SCAF8: variants seen among roughly 807,000 people sequenced by gnomAD.
SCAF8 encodes the protein SR-related CTD associated factor 8.
SCAF8 carries 23 observed loss-of-function variants against 140.5 expected under a neutral mutation model. That is an observed-to-expected ratio of 0.16 (90% CI 0.12 to 0.23). The LOEUF (loss-of-function observed/expected upper bound fraction) is 0.23, where lower values mean the gene tolerates loss of function less well. SCAF8 is among the 10% of genes least tolerant of loss of function. The probability of loss-of-function intolerance (pLI) is 1.00; values close to 1 mark genes in which losing one functional copy is unlikely to be tolerated. For synonymous variants in SCAF8, 575 were observed against 528.9 expected, an observed-to-expected ratio of 1.09 and a Z score of -1.20; for missense variants, 1,397 against 1,555.7, an observed-to-expected ratio of 0.90 and a Z score of 1.72.
chr6:154,822,427 GTT>G lies in SCAF8; in HGVS notation c.1926+27_1926+28del. 1 of 1,436,204 alleles carries G rather than the reference GTT, an allele frequency of 7.0e-7. No individual in the cohort carries two copies. Among genetic ancestry groups the G allele is most frequent in the East Asian group, 2.5e-5 (1 of 39,234 alleles). 89.0% of individuals were successfully genotyped at this position (1,436,204 alleles called of 1,614,324 possible). ...TGTTGCAGGTTAGTGTTGAAGTGGG[GTT>G]TTTTTTTTCTTGTGTTGTTTTACAT... On this transcript the variant is annotated intron_variant, in intron 16 of 19. Transcript: ENST00000367178.
intron 12 of SCAF8, among the ~76,000 whole-genome samples, 171 bp from the exon 13 acceptor site, chr6:154,815,545 G>C (rs1190932326): frequency 6.6e-6 from 1 of 152,142 alleles, no homozygotes; most frequent in East Asian, 1.9e-4. Context: ...TAATACTTGT[G>C]ATTTTAGTTG....
At chr6:154,813,039 CAA>C (rs35659449) in intron 12 of SCAF8, among the ~76,000 whole-genome samples, 321 of 138,536 alleles carry the variant, frequency 2.3e-3, no homozygotes, top group Middle Eastern at 3.7e-3. Context: ...TCACTACCGC[CAA>C]AAAAAAAAAA....
At chr6:154,772,003 G>A (rs1776782638) in intron 1 of SCAF8, among the ~76,000 whole-genome samples, 1 of 152,274 alleles carries the variant, frequency 6.6e-6, no homozygotes, top group South Asian at 2.1e-4. Flanking sequence ...ATGGTATGGT[G>A]GTTAGAATTT....
chr6:154,824,710 A>G (rs1267214378), intron 17 of SCAF8, among the ~76,000 whole-genome samples: 2 of 152,172 alleles, frequency 1.3e-5, no homozygotes, highest in East Asian at 1.9e-4. Flanking sequence ...AGGGAGGCCA[A>G]GGTGGGCAGA....
At chr6:154,819,115 AT>A (rs1271897095) in intron 14 of SCAF8, among the ~76,000 whole-genome samples, 1 of 151,896 alleles carries the variant, frequency 6.6e-6, no homozygotes, top group Non-Finnish European at 1.5e-5. Flanking sequence ...ACTTTCTATG[AT>A]TAACTCAGTT....
At chr6:154,801,866 AAG>A (rs1777780627) in intron 6 of SCAF8, 103 bp from the exon 7 acceptor site, 1 of 698,796 alleles carries the variant, frequency 1.4e-6, no homozygotes, top group Admixed American at 2.7e-5. Context: ...ATTTTTTTCA[AAG>A]AGAGTGTGGA....
chr6:154,827,106 G>A, intron 17 of SCAF8, 66 bp from the exon 18 acceptor site: 2 of 1,249,576 alleles, frequency 1.6e-6, no homozygotes, highest in Non-Finnish European at 1.1e-6. Context: ...TGTAGCTGTT[G>A]GAATCTTTGA....
At chr6:154,737,996 T>G (rs1778471362) in intron 1 of SCAF8, among the ~76,000 whole-genome samples, 1 of 152,064 alleles carries the variant, frequency 6.6e-6, no homozygotes, top group African/African-American at 2.4e-5. Context: ...GATCATTGGT[T>G]TGAAAACCAG....
intron 3 of SCAF8, among the ~76,000 whole-genome samples, chr6:154,785,703 T>C (rs1483371868): frequency 6.6e-6 from 1 of 152,186 alleles, no homozygotes; most frequent in Non-Finnish European, 1.5e-5. Flanking sequence ...TATTTGTATA[T>C]TGCAAAATAT....
chr6:154,747,683 A>G (rs967849606), intron 1 of SCAF8, among the ~76,000 whole-genome samples: 3 of 152,202 alleles, frequency 2.0e-5, no homozygotes, highest in Non-Finnish European at 4.4e-5. Flanking sequence ...GCAGAACAGT[A>G]TAGCTCATAA....
intron 14 of SCAF8, among the ~76,000 whole-genome samples, chr6:154,819,465 T>C (rs1187091521): frequency 6.6e-6 from 1 of 151,568 alleles, no homozygotes; most frequent in African/African-American, 2.4e-5. Flanking sequence ...ATGGTATGCT[T>C]CTATGGTCCC....
chr6:154,808,898 T>A, intron 11 of SCAF8, 100 bp downstream of exon 11: 1 of 787,966 alleles, frequency 1.3e-6, no homozygotes, highest in Non-Finnish European at 2.0e-6. Flanking sequence ...TGGGATGACA[T>A]ATTTTTTCTC....
intron 5 of SCAF8, among the ~76,000 whole-genome samples, chr6:154,794,703 G>A (rs1777535525): frequency 7.0e-6 from 1 of 143,044 alleles, no homozygotes; most frequent in African/African-American, 2.6e-5. Flanking sequence ...GCATAAGTGG[G>A]GACACTATAG....
chr6:154,822,879 G>A (rs1019422654), intron 16 of SCAF8, among the ~76,000 whole-genome samples: 5 of 152,056 alleles, frequency 3.3e-5, no homozygotes, highest in African/African-American at 9.7e-5. Flanking sequence ...TGCCCTTTTG[G>A]AGCTTTTATT....
At chr6:154,734,219 C>T (rs763094850) in intron 1 of SCAF8, among the ~76,000 whole-genome samples, 1 of 152,156 alleles carries the variant, frequency 6.6e-6, no homozygotes, top group Admixed American at 6.5e-5. Context: ...GGCCCTCACC[C>T]GGAGACTCCC....
At chr6:154,789,672 A>T (rs1450944928) in intron 4 of SCAF8, among the ~76,000 whole-genome samples, 3 of 150,800 alleles carry the variant, frequency 2.0e-5, no homozygotes, top group Non-Finnish European at 4.4e-5. Flanking sequence ...CAGCCTCCTG[A>T]GTAGCTGGGA....
intron 9 of SCAF8, 48 bp downstream of exon 9, chr6:154,805,534 C>T: frequency 2.0e-6 from 2 of 1,002,072 alleles, no homozygotes; most frequent in South Asian, 2.1e-5. Context: ...TATTTATATT[C>T]TATAAATTGG....
intron 11 of SCAF8, among the ~76,000 whole-genome samples, chr6:154,809,434 C>A (rs1778021599): frequency 6.6e-6 from 1 of 152,124 alleles, no homozygotes; most frequent in Admixed American, 6.5e-5. Context: ...GTTCAACTTT[C>A]TCTAAACCCA....
At chr6:154,784,705 T>A (rs577305177) in intron 3 of SCAF8, among the ~76,000 whole-genome samples, 1 of 152,216 alleles carries the variant, frequency 6.6e-6, no homozygotes, top group Non-Finnish European at 1.5e-5. Context: ...GTAGGTTATA[T>A]GCAAATACTG....
Sources: allele counts gnomAD v4.1 joint callset (sites outside exome capture counted in the v4.1 genomes callset), GRCh38; gene constraint gnomAD v4.1.1; transcripts MANE v1.5; gene names NCBI Gene and HGNC (gene_info 2026-07-23, HGNC 2026-07-21).